The following MT4 variants were observed in gnomAD, a reference collection of about 807,000 sequenced individuals.
MT4 encodes the protein metallothionein-4.
A neutral mutation model predicts 9.5 loss-of-function variants in MT4; 11 were observed. The ratio of observed to expected loss-of-function variants is 1.16; its 90% CI spans 0.73 to 1.92. The LOEUF is 1.92. Ranked by LOEUF, MT4 falls within the 30% of genes most tolerant of loss-of-function variation. MT4 has a pLI of 0.00. For synonymous variants in MT4, 29 were observed against 24.6 expected, an observed-to-expected ratio of 1.18 and a Z score of -0.53; for missense variants, 88 against 78.7, an observed-to-expected ratio of 1.12 and a Z score of -0.45.
At chr16:56,568,257 A>AGAGAGAG (rs1567330602) in intron 2 of MT4, among the ~76,000 whole-genome samples, 46 of 83,266 alleles carry the variant, frequency 5.5e-4, no homozygotes, top group Admixed American at 9.8e-4. Context: ...GAAAGAAAGA[A>AGAGAGAG]AGAGAGAGAG....
In MT4 at chr16:56,566,793, A is replaced by AAGGAAGGAAGGAAGGAAGGAAG. The variant is rs1567329952; in HGVS notation, c.32-958_32-957insAGGAAGGAAGGAAGGAAGGAAG. On this transcript the variant is annotated intron_variant, in intron 1 of 2. Coordinates refer to ENST00000219162, the MANE Select transcript of MT4 (RefSeq NM_032935.3). Reference sequence around the variant, plus strand: ...AGGAAAGAAAGAAAGAAAGAAAGAAAGAAAGAAAGAAAGAAAGAAAGAAAG... The same window carrying AAGGAAGGAAGGAAGGAAGGAAG: ...AGGAAAGAAAGAAAGAAAGAAAGAAAAGGAAGGAAGGAAGGAAGGAAGGAAAGAAAGAAAGAAAGAAAGAAAG... Among the ~76,000 whole-genome samples the AAGGAAGGAAGGAAGGAAGGAAG allele has an allele frequency of 3.1e-4, 12 of 38,470 alleles. 2 individuals carry two copies. The South Asian group carries it at 6.6e-3, about 21-fold the overall frequency. The allele number at this position is 38,470 out of a possible 152,430, so 25.2% of individuals were successfully genotyped here.
chr16:56,566,793 A>AGAAGGAAGGAAGGAAGGAAGGAAG (rs1567329953), intron 1 of MT4, among the ~76,000 whole-genome samples: 3 of 38,488 alleles, frequency 7.8e-5, no homozygotes, highest in Non-Finnish European at 1.4e-4. Flanking sequence ...AAAGAAAGAA[A>AGAAGGAAGGAAGGAAGGAAGGAAG]GAAAGAAAGA....
chr16:56,565,590 T>G (rs552175778), intron 1 of MT4, among the ~76,000 whole-genome samples: 1 of 152,300 alleles, frequency 6.6e-6, no homozygotes, highest in East Asian at 1.9e-4. Flanking sequence ...ATCCCAGAGC[T>G]GCTATGAAAG....
chr16:56,567,847 T>G (rs1567330302), intron 2 of MT4, 31 bp downstream of exon 2: 1 of 1,592,852 alleles, frequency 6.3e-7, no homozygotes, highest in Admixed American at 1.7e-5. Context: ...CACCATGGGC[T>G]GGGAGTTAGA....
intron 1 of MT4, among the ~76,000 whole-genome samples, chr16:56,566,802 G>GAAAGAAAGAAAGAAAGAAAGA (rs1959535996): frequency 4.3e-5 from 2 of 46,182 alleles, no homozygotes; most frequent in East Asian, 1.1e-3. Context: ...AAGAAAGAAA[G>GAAAGAAAGAAAGAAAGAAAGA]AAAGAAAGAA....
intron 1 of MT4, among the ~76,000 whole-genome samples, chr16:56,566,143 T>TACCAAAAA (rs1260655683): frequency 6.6e-6 from 1 of 152,084 alleles, no homozygotes; most frequent in African/African-American, 2.4e-5. Flanking sequence ...GATGTCTCTG[T>TACCAAAAA]ACCAAAAACT....
At position 56,566,828 on chromosome 16, in the gene MT4, AAAG is replaced by A. The variant is rs1567330061; in HGVS notation, c.32-920_32-918del. ...AAAGAAAGAAAGAAAGAAAAGAAAG[AAAG>A]AAAGAAAGAAAGAAAGAAAGAAAGA... On this transcript the variant is annotated intron_variant, in intron 1 of 2. Transcript: ENST00000219162. Among the ~76,000 whole-genome samples, 510 of 123,926 alleles carry A rather than the reference AAAG, an allele frequency of 4.1e-3. 5 individuals are homozygous for A. Among genetic ancestry groups the A allele is most frequent in the African/African-American group, 0.016 (473 of 30,266 alleles). 81.3% of individuals were successfully genotyped at this position (123,926 alleles called of 152,430 possible). A position where few individuals can be genotyped will look rare whatever the true frequency, so the allele number is the denominator to read the frequency against.
At chr16:56,568,231 GAAAGAAAGAA>G (rs1959568625) in intron 2 of MT4, among the ~76,000 whole-genome samples, 22 of 34,394 alleles carry the variant, frequency 6.4e-4, no homozygotes, top group South Asian at 2.2e-3. Flanking sequence ...AAGAAAGAAA[GAAAGAAAGAA>G]AGAAAGAAAG....
intron 1 of MT4, among the ~76,000 whole-genome samples, chr16:56,566,376 A>G (rs1377147125): frequency 6.6e-6 from 1 of 151,862 alleles, no homozygotes; most frequent in African/African-American, 2.4e-5. Context: ...ACTTTAAACA[A>G]TTAGCCAGGT....
chr16:56,565,894 T>C (rs986979340), intron 1 of MT4, among the ~76,000 whole-genome samples: 3 of 150,000 alleles, frequency 2.0e-5, no homozygotes, highest in Admixed American at 6.7e-5. Context: ...CGAGACTCCA[T>C]GTCTACAAAT....
intron 1 of MT4, among the ~76,000 whole-genome samples, chr16:56,566,769 G>GAAAGAAAGAAAGAAA (rs59257800): frequency 2.7e-5 from 1 of 36,906 alleles, no homozygotes; most frequent in Non-Finnish European, 6.2e-5. Context: ...AAGGAAGGAA[G>GAAAGAAAGAAAGAAA]GAAAGAAAGA....
intron 2 of MT4, among the ~76,000 whole-genome samples, chr16:56,568,271 G>GAGAGAGAGAGAGAGAAAGAAAGAA (rs1567330643): frequency 3.4e-5 from 2 of 58,562 alleles, no homozygotes; most frequent in Non-Finnish European, 7.4e-5. Flanking sequence ...GAGAGAGAGA[G>GAGAGAGAGAGAGAGAAAGAAAGAA]AGAAAGAAAG....
chr16:56,568,751 T>C, intron 2 of MT4, 90 bp from the exon 3 acceptor site: 1 of 909,208 alleles, frequency 1.1e-6, no homozygotes, highest in Non-Finnish European at 1.7e-6. Context: ...CACACCCCTC[T>C]TTTCCTACTT....
chr16:56,566,738 GAA>G (rs746200793), intron 1 of MT4, among the ~76,000 whole-genome samples: 1 of 54,752 alleles, frequency 1.8e-5, no homozygotes, highest in African/African-American at 8.8e-5. Flanking sequence ...AAGAAAGAAA[GAA>G]AGAAAGAAGG....
At chr16:56,568,267 G>C (rs77853330) in intron 2 of MT4, among the ~76,000 whole-genome samples, 1 of 68,504 alleles carries the variant, frequency 1.5e-5, no homozygotes, top group Admixed American at 1.5e-4. Context: ...AAGAGAGAGA[G>C]AGAGAGAAAG....
intron 2 of MT4, among the ~76,000 whole-genome samples, chr16:56,568,439 C>T (rs1452385708): frequency 1.3e-5 from 2 of 151,966 alleles, no homozygotes; most frequent in Non-Finnish European, 2.9e-5. Flanking sequence ...GAAATGAGAA[C>T]TATGTAGAGA....
At chr16:56,566,614 G>T (rs1959520858) in intron 1 of MT4, among the ~76,000 whole-genome samples, 2 of 146,152 alleles carry the variant, frequency 1.4e-5, no homozygotes, top group African/African-American at 5.1e-5. Context: ...GAGAGAAAGA[G>T]AAAGGGAGAA....
intron 1 of MT4, among the ~76,000 whole-genome samples, chr16:56,565,762 A>G (rs1959510179): frequency 6.6e-6 from 1 of 152,168 alleles, no homozygotes; most frequent in Non-Finnish European, 1.5e-5. Context: ...AATCATGGAA[A>G]TGGTATGAAG....
At chr16:56,568,223 GAAAGAAAGAA>G (rs1959566919) in intron 2 of MT4, among the ~76,000 whole-genome samples, 17 of 49,292 alleles carry the variant, frequency 3.4e-4, no homozygotes, top group South Asian at 2.0e-3. Flanking sequence ...GAGAAAGAAA[GAAAGAAAGAA>G]AGAAAGAAAG....
Sources: allele counts gnomAD v4.1 joint callset (sites outside exome capture counted in the v4.1 genomes callset), GRCh38; gene constraint gnomAD v4.1.1; transcripts MANE v1.5; gene names NCBI Gene and HGNC (gene_info 2026-07-23, HGNC 2026-07-21).